The following PDE10A variants were observed in gnomAD, a reference collection of about 807,000 sequenced individuals.
PDE10A encodes phosphodiesterase 10A.
In PDE10A, 39 loss-of-function variants were observed where a neutral mutation model predicts 97.7. The observed-to-expected ratio is 0.40, with a 90% confidence interval of 0.31 to 0.52. The LOEUF is 0.52. Among genes scored for constraint, PDE10A ranks in the 20% least tolerant of loss-of-function variants. PDE10A has a pLI of 0.56. For synonymous variants in PDE10A, 371 were observed against 376.8 expected, an observed-to-expected ratio of 0.98 and a Z score of 0.18; for missense variants, 731 against 1,047.8, an observed-to-expected ratio of 0.70 and a Z score of 4.17.
chr6:165,465,278 G>A (rs562797567), intron 3 of PDE10A, among the ~76,000 whole-genome samples: 88 of 152,338 alleles, frequency 5.8e-4, no homozygotes, highest in Middle Eastern at 3.4e-3. Flanking sequence ...AGGTGGAAAA[G>A]CTTGGGGGTA....
intron 1 of PDE10A, among the ~76,000 whole-genome samples, chr6:165,927,220 A>G (rs1782965245): frequency 6.6e-6 from 1 of 152,172 alleles, no homozygotes; most frequent in Non-Finnish European, 1.5e-5. Context: ...GTATAACTTA[A>G]AAAAAGCACA....
In PDE10A at chr6:165,509,176, A is replaced by G. The variant is rs138577468; in HGVS notation, c.995-26833T>C. 1.3e-3 allele frequency among the ~76,000 whole-genome samples: 196 copies of G among 152,096 alleles called. 1 individual carries two copies. Among genetic ancestry groups the G allele is most frequent in the African/African-American group, 4.4e-3 (183 of 41,530 alleles). On this transcript the variant is annotated intron_variant, in intron 2 of 21. Transcript: ENST00000539869. ...TATTTTCAATATTTATGAGGTATAT[A>G]TAAGTATTTTTTACACGCACAGAAT...
At position 165,619,294 on chromosome 6, in the gene PDE10A, C is replaced by CTAGTG. The variant is rs768704480; in HGVS notation, c.865+42648_865+42652dup. Among the ~76,000 whole-genome samples, 305 of 44,228 alleles carry CTAGTG rather than the reference C, an allele frequency of 6.9e-3. 12 individuals are homozygous for CTAGTG. Among genetic ancestry groups the CTAGTG allele is most frequent in the Middle Eastern group, 0.056 (3 of 54 alleles). 29.0% of individuals were successfully genotyped at this position (44,228 alleles called of 152,430 possible). Reference sequence around the variant, plus strand: ...CTAGCGTAGTGTAGTCTAGCATAGTCTAGTGTAGTGTAGTGTAGTCTAGTG... The same window carrying CTAGTG: ...CTAGCGTAGTGTAGTCTAGCATAGTCTAGTGTAGTGTAGTGTAGTGTAGTCTAGTG... On this transcript the variant is annotated intron_variant, in intron 1 of 21. Transcript: ENST00000539869.
At chr6:165,620,474 T>A (rs2128408676) in intron 1 of PDE10A, among the ~76,000 whole-genome samples, 2 of 152,240 alleles carry the variant, frequency 1.3e-5, no homozygotes, top group East Asian at 3.9e-4. Context: ...CAGGTCACTG[T>A]GGAAAACCTA....
chr6:165,870,809 G>A (rs1781186667), intron 1 of PDE10A, among the ~76,000 whole-genome samples: 1 of 152,184 alleles, frequency 6.6e-6, no homozygotes, highest in African/African-American at 2.4e-5. Context: ...TAGCAACATA[G>A]ATGGAATGGG....
At chr6:165,630,748 A>G (rs981271741) in intron 1 of PDE10A, among the ~76,000 whole-genome samples, 13 of 152,192 alleles carry the variant, frequency 8.5e-5, no homozygotes, top group African/African-American at 3.1e-4. Flanking sequence ...TAAATGGGGG[A>G]AAAGTGAAGT....
chr6:165,333,946 T>C (rs982974321), intron 21 of PDE10A, among the ~76,000 whole-genome samples: 1 of 152,240 alleles, frequency 6.6e-6, no homozygotes, highest in African/African-American at 2.4e-5. Context: ...AAATTTCTTT[T>C]AGCAAACATG....
At chr6:165,575,427 G>A (rs1057371639) in intron 1 of PDE10A, among the ~76,000 whole-genome samples, 5 of 152,152 alleles carry the variant, frequency 3.3e-5, no homozygotes, top group African/African-American at 1.2e-4. Flanking sequence ...CCCCTCCAAT[G>A]TTTCTCTGAA....
intron 1 of PDE10A, among the ~76,000 whole-genome samples, chr6:165,636,436 T>G (rs528637371): frequency 6.6e-6 from 1 of 152,358 alleles, no homozygotes; most frequent in Non-Finnish European, 1.5e-5. Flanking sequence ...TGTAGAATTT[T>G]GAGAATCAAT....
At chr6:165,782,546 C>G (rs906549929) in intron 1 of PDE10A, among the ~76,000 whole-genome samples, 1 of 152,156 alleles carries the variant, frequency 6.6e-6, no homozygotes, top group Non-Finnish European at 1.5e-5. Flanking sequence ...CACTATTTTT[C>G]ATTTGACCTT....
chr6:165,780,365 TAA>T (rs1207005002), intron 1 of PDE10A: 5 of 152,252 alleles, frequency 3.3e-5, no homozygotes, highest in African/African-American at 1.2e-4. Flanking sequence ...AGGTGTATCA[TAA>T]GAGAACAGAT....
At chr6:165,431,623 T>C (rs1583273097) in intron 7 of PDE10A, 151 bp from the exon 8 acceptor site, 3 of 91,248 alleles carry the variant, frequency 3.3e-5, no homozygotes, top group Non-Finnish European at 2.4e-5. Context: ...ATACATAACA[T>C]ATATATATAT....
intron 1 of PDE10A, among the ~76,000 whole-genome samples, chr6:165,574,526 T>C (rs1004231385): frequency 1.3e-5 from 2 of 152,196 alleles, no homozygotes; most frequent in African/African-American, 4.8e-5. Flanking sequence ...AAAATTAATT[T>C]TCAAAAAACC....
At chr6:165,729,057 T>A (rs185456214) in intron 1 of PDE10A, among the ~76,000 whole-genome samples, 1 of 152,110 alleles carries the variant, frequency 6.6e-6, no homozygotes, top group African/African-American at 2.4e-5. Flanking sequence ...AAAACATTAG[T>A]GTGGAGTGGT....
chr6:165,890,555 G>A (rs985445843), intron 1 of PDE10A, among the ~76,000 whole-genome samples: 1 of 152,076 alleles, frequency 6.6e-6, no homozygotes, highest in Non-Finnish European at 1.5e-5. Flanking sequence ...AAACATTACC[G>A]CCAGAGTTAC....
intron 1 of PDE10A, among the ~76,000 whole-genome samples, chr6:165,682,251 C>T (rs1379465284): frequency 1.3e-5 from 2 of 152,272 alleles, no homozygotes; most frequent in Non-Finnish European, 1.5e-5. Flanking sequence ...CCTGCCTCAG[C>T]CTCCTGGGTA....
chr6:165,511,105 C>T (rs979233876), intron 2 of PDE10A, among the ~76,000 whole-genome samples: 4 of 151,834 alleles, frequency 2.6e-5, no homozygotes, highest in African/African-American at 9.7e-5. Flanking sequence ...TAGTTCCTTG[C>T]AGTGTATCAT....
At chr6:165,815,164 C>T (rs1779376675) in intron 1 of PDE10A, among the ~76,000 whole-genome samples, 1 of 152,162 alleles carries the variant, frequency 6.6e-6, no homozygotes, top group Non-Finnish European at 1.5e-5. Context: ...CTGGGCCCAG[C>T]TCCTTAAACA....
chr6:165,699,139 G>A (rs898955173), intron 1 of PDE10A, among the ~76,000 whole-genome samples: 5 of 152,108 alleles, frequency 3.3e-5, no homozygotes, highest in Admixed American at 6.5e-5. Flanking sequence ...TAAGGTAAAA[G>A]GATGAAAAAG....
Sources: allele counts gnomAD v4.1 joint callset (sites outside exome capture counted in the v4.1 genomes callset), GRCh38; gene constraint gnomAD v4.1.1; transcripts MANE v1.5; gene names NCBI Gene and HGNC (gene_info 2026-07-23, HGNC 2026-07-21).